The following ERAP1 variants were observed in gnomAD, a reference collection of about 807,000 sequenced individuals.
ERAP1 encodes endoplasmic reticulum aminopeptidase 1, also known as adipocyte-derived leucine aminopeptidase.
Under a neutral mutation model 103.7 loss-of-function variants are expected in ERAP1, and 86 were observed. The observed-to-expected ratio is 0.83, with a 90% CI of 0.70 to 0.99. The LOEUF (loss-of-function observed/expected upper bound fraction) is 0.99. Among genes scored for constraint, ERAP1 ranks in the 50% least tolerant of loss-of-function variants. ERAP1 has a pLI of 0.00. For synonymous variants in ERAP1, 398 were observed against 402.4 expected, an observed-to-expected ratio of 0.99 and a Z score of 0.13; for missense variants, 1,009 against 1,128.4, an observed-to-expected ratio of 0.89 and a Z score of 1.52.
chr5:96,880,192 A>G, the ERAP1 span: 1 of 1,614,140 alleles, frequency 6.2e-7, no homozygotes, highest in Non-Finnish European at 8.5e-7. Context: ...TGGACTTCCA[A>G]GCCAAGTTAG....
the ERAP1 span, among the ~76,000 whole-genome samples, chr5:96,854,430 C>A: frequency 6.6e-6 from 1 of 151,572 alleles, no homozygotes. Flanking sequence ...CATTGAAGGC[C>A]AATGTGAAAA....
the ERAP1 span, among the ~76,000 whole-genome samples, chr5:96,825,115 G>A: frequency 6.6e-6 from 1 of 152,140 alleles, no homozygotes. Flanking sequence ...AGTTCCATGA[G>A]GCCAGGACTG....
intron 1 of ERAP1, among the ~76,000 whole-genome samples, chr5:96,807,576 G>A (rs1273469619): frequency 6.6e-6 from 1 of 152,150 alleles, no homozygotes; most frequent in Non-Finnish European, 1.5e-5. Flanking sequence ...CAGGGACAGG[G>A]ACCGGCAGGG....
rs1056784560 is a variant in ERAP1 at position 96,800,791 on chromosome 5, C to T, written c.663+71G>A. On this transcript the variant is annotated intron_variant, in intron 3 of 18. Transcript: ENST00000443439. ...AAACAGGTGACCCAATGTTGACTGT[C>T]ACTGGGCTAGTGCAAGTCACAGAGA... is the stretch of plus-strand genomic sequence containing the variant. 4 of 1,542,576 alleles carry T rather than the reference C, an allele frequency of 2.6e-6. No homozygotes were observed. The African/African-American group carries it at 4.1e-5, about 16-fold the overall frequency.
rs72773968 is a variant in ERAP1 at position 96,803,892 on chromosome 5, G to A, written c.35C>T (p.Thr12Ile). The change falls in exon 2 of 19, where the codon ACC becomes ATC. Residue 12 changes from threonine to isoleucine, a missense_variant. Coordinates refer to ENST00000443439, the MANE Select transcript of ERAP1 (RefSeq NM_001040458.3). ...CAGTGAGGAAAGTAGAAATGACATG[G>A]TTGCAAGGGACCATTTGAGGGGCAG... ...VFLPLKWSLA[T>I]MSFLLSSLLA... 0.12 allele frequency: 188,886 copies of A among 1,610,544 alleles called. 11,969 individuals are homozygous for A. Among genetic ancestry groups the A allele is most frequent in the Admixed American group, 0.13 (7,886 of 60,006 alleles).
the ERAP1 span, among the ~76,000 whole-genome samples, chr5:96,926,222 T>C: frequency 6.6e-6 from 1 of 152,366 alleles, no homozygotes; most frequent in Non-Finnish European, 1.5e-5. Flanking sequence ...TACTGTTTCA[T>C]TTTAATCAAG....
chr5:96,801,136 G>T (rs947973786), intron 2 of ERAP1, 136 bp from the exon 3 acceptor site: 3 of 1,005,724 alleles, frequency 3.0e-6, no homozygotes, highest in Non-Finnish European at 4.4e-6. Context: ...TCTGACAAAA[G>T]CTATCATAAA....
rs771429062 is a variant in ERAP1 at position 96,780,406 on chromosome 5, A to AG, written c.2670+16dup. Reference sequence around the variant, plus strand: ...CATTTATGTTTAAAAATATATATATAGATTTTTTTTTTTTACCTCTTCAAG... The same window carrying AG: ...CATTTATGTTTAAAAATATATATATAGGATTTTTTTTTTTTACCTCTTCAAG... On this transcript the variant is annotated intron_variant, in intron 18 of 18. Transcript: ENST00000443439. 1.4e-6 allele frequency: 2 copies of AG among 1,456,888 alleles called. No homozygotes were observed. Among genetic ancestry groups the AG allele is most frequent in the South Asian group, 2.5e-5 (2 of 80,028 alleles). 90.2% of individuals were successfully genotyped at this position (1,456,888 alleles called of 1,614,324 possible).
intron 4 of ERAP1, among the ~76,000 whole-genome samples, chr5:96,796,122 TAAGTA>T (rs1004849764): frequency 1.1e-4 from 17 of 152,110 alleles, no homozygotes; most frequent in African/African-American, 4.1e-4. Flanking sequence ...AATCCCCAGT[TAAGTA>T]AAGATACCTC....
In ERAP1 at chr5:96,793,867, T is replaced by G. The variant is rs1250788087; in HGVS notation, c.1010A>C (p.Glu337Ala). 1.2e-6 allele frequency: 2 copies of G among 1,614,220 alleles called. No homozygotes were observed. The highest frequency in any genetic ancestry group is 1.7e-6 in the Non-Finnish European group (2 of 1,180,022). ...YRESALLFDA[E>A]KSSASSKLGI... ...AAGCTTACTTGATGCAGAAGACTTT[T>G]CTGCATCAAACAACAGAGCAGATTC... Residue 337 changes from glutamate (E) to alanine (A), a missense_variant, in exon 6 of 19, where the codon GAA becomes GCA. By Grantham distance (107) the Glu-to-Ala change is moderately radical. Around this residue, in one of 3 missense-constraint regions of ERAP1, gnomAD observed 392 missense variants for 455.2 expected, o/e 0.86. Coordinates refer to ENST00000443439, the MANE Select transcript of ERAP1 (RefSeq NM_001040458.3).
the ERAP1 span, among the ~76,000 whole-genome samples, chr5:96,821,280 T>C: frequency 6.6e-6 from 1 of 152,348 alleles, no homozygotes; most frequent in Admixed American, 6.5e-5. Flanking sequence ...CAGCAGCATA[T>C]AGACTAACAT....
the ERAP1 span, among the ~76,000 whole-genome samples, chr5:96,825,467 A>T: frequency 6.6e-6 from 1 of 152,214 alleles, no homozygotes; most frequent in Non-Finnish European, 1.5e-5. Flanking sequence ...CTGCTGTCAG[A>T]TGAAGTGTTC....
the ERAP1 span, among the ~76,000 whole-genome samples, chr5:96,907,653 G>T: frequency 6.6e-6 from 1 of 151,790 alleles, no homozygotes; most frequent in African/African-American, 2.4e-5. Flanking sequence ...AGGCCGAGGC[G>T]GGTGGATCAC....
At chr5:96,785,135 A>G (rs1405561057) in intron 13 of ERAP1, 2 of 155,604 alleles carry the variant, frequency 1.3e-5, no homozygotes, top group African/African-American at 4.8e-5. Context: ...GTCTGCCTAC[A>G]TGTTGAAGAA....
the ERAP1 span, among the ~76,000 whole-genome samples, chr5:96,876,792 A>G: frequency 6.6e-6 from 1 of 152,134 alleles, no homozygotes; most frequent in South Asian, 2.1e-4. Context: ...TGCCTCTTCA[A>G]TCCCAGGATG....
At chr5:96,867,454 T>G in the ERAP1 span, among the ~76,000 whole-genome samples, 1 of 152,182 alleles carries the variant, frequency 6.6e-6, no homozygotes, top group East Asian at 1.9e-4. Flanking sequence ...AGGATGACTC[T>G]TCTCTGCTTC....
Position 96,783,918 on chromosome 5 carries a change from T to A in ERAP1, c.2100+6A>T. On this transcript the variant is annotated splice_donor_region_variant and intron_variant, in intron 14 of 18. Transcript: ENST00000443439. ...TAATTACATAACTTTTATTTCAGGCTTTTACCTTGAATTGAGTTTCCACTT... is the reference window on the plus strand; with the variant it reads ...TAATTACATAACTTTTATTTCAGGCATTTACCTTGAATTGAGTTTCCACTT... 6.2e-7 allele frequency: 1 copy of A among 1,609,026 alleles called. No individual in the cohort carries two copies. Among genetic ancestry groups the A allele is most frequent in the Non-Finnish European group, 8.5e-7 (1 of 1,176,638 alleles).
At chr5:96,851,839 G>A in the ERAP1 span, among the ~76,000 whole-genome samples, 1 of 152,138 alleles carries the variant, frequency 6.6e-6, no homozygotes, top group African/African-American at 2.4e-5. Flanking sequence ...GACTGAAAGT[G>A]GCAATAAAGG....
At chr5:96,901,920 T>C in the ERAP1 span, among the ~76,000 whole-genome samples, 6,014 of 152,286 alleles carry the variant, frequency 0.039, 375 homozygotes, top group African/African-American at 0.14. Context: ...GTTTAGTTAT[T>C]TGAATCAGCA....
Sources: allele counts gnomAD v4.1 joint callset (sites outside exome capture counted in the v4.1 genomes callset), GRCh38; gene constraint gnomAD v4.1.1; regional missense constraint gnomAD v4.1.1; transcripts MANE v1.5; gene names NCBI Gene and HGNC (gene_info 2026-07-23, HGNC 2026-07-21).